Variants in RBFOX1 observed in about 807,000 individuals in gnomAD.
The protein encoded by RBFOX1 is RNA binding fox-1 homolog 1.
A neutral mutation model predicts 57.7 loss-of-function variants in RBFOX1; 8 were observed. The ratio of observed to expected loss-of-function variants is 0.14; its 90% CI spans 0.08 to 0.25. RBFOX1 has a LOEUF of 0.25. Ranked by LOEUF, RBFOX1 falls within the 10% of genes least tolerant of loss-of-function variation. The pLI is 1.00. For synonymous variants in RBFOX1, 326 were observed against 222.4 expected (o/e 1.47, Z -4.15); for missense variants, 611 against 548.5 (o/e 1.11, Z -1.14).
At chr16:5,792,575 G>A (rs1055830708) in intron 3 of RBFOX1, among the ~76,000 whole-genome samples, 19 of 152,236 alleles carry the variant, frequency 1.2e-4, no homozygotes, top group Non-Finnish European at 2.6e-4. Context: ...GGGTGCAGTG[G>A]CTCATGCCTG....
At chr16:6,966,715 G>C (rs925095837) in intron 3 of RBFOX1, among the ~76,000 whole-genome samples, 1 of 152,090 alleles carries the variant, frequency 6.6e-6, no homozygotes, top group African/African-American at 2.4e-5. Flanking sequence ...AATTACACCT[G>C]TGATGAGAAG....
Position 7,420,836 on chromosome 16 carries a change from T to G in RBFOX1, c.28-97311T>G, listed in dbSNP as rs1487998508. Among the ~76,000 whole-genome samples, 9 of 150,020 alleles carry G rather than the reference T, an allele frequency of 6.0e-5. No homozygotes were observed. In the East Asian group the frequency reaches 1.7e-3, roughly 29 times the overall value. ...CTGAGTACTTTAAAGAATTATTCTT[T>G]GTCCATGTATGTCAGCATGCACTTT... On this transcript the variant is annotated intron_variant, in intron 4 of 15. Coordinates refer to ENST00000550418, the MANE Select transcript of RBFOX1 (RefSeq NM_018723.4).
intron 2 of RBFOX1, among the ~76,000 whole-genome samples, chr16:6,643,897 A>G (rs550020232): frequency 2.2e-4 from 34 of 152,122 alleles, no homozygotes; most frequent in Admixed American, 5.2e-4. Flanking sequence ...AGGCCAAGGT[A>G]GGTGGATCAC....
intron 13 of RBFOX1, among the ~76,000 whole-genome samples, chr16:7,668,839 C>A (rs2070369422): frequency 6.6e-6 from 1 of 152,080 alleles, no homozygotes; most frequent in Non-Finnish European, 1.5e-5. Context: ...AGAGTTTATA[C>A]AAACAGAGTT....
chr16:6,864,568 A>G (rs1392951220), intron 3 of RBFOX1, among the ~76,000 whole-genome samples: 5 of 145,220 alleles, frequency 3.4e-5, no homozygotes, highest in Admixed American at 2.8e-4. Flanking sequence ...TTTTTTAATC[A>G]TGGCCTAATA....
intron 2 of RBFOX1, among the ~76,000 whole-genome samples, chr16:6,560,381 A>G (rs28367099): frequency 0.99 from 149,862 of 151,888 alleles, 73,921 homozygotes; most frequent in East Asian, 1. Flanking sequence ...TGAGGAGGAG[A>G]GGGCCAGTGT....
intron 4 of RBFOX1, among the ~76,000 whole-genome samples, chr16:7,372,107 C>T (rs1486290922): frequency 2.0e-5 from 3 of 152,060 alleles, no homozygotes; most frequent in Non-Finnish European, 2.9e-5. Flanking sequence ...TTGTTGGGTC[C>T]AAAAGTTGGT....
intron 4 of RBFOX1, among the ~76,000 whole-genome samples, chr16:7,312,572 A>G (rs1273216304): frequency 6.6e-6 from 1 of 151,958 alleles, no homozygotes; most frequent in East Asian, 1.9e-4. Flanking sequence ...TGGTTCCACT[A>G]CCCTGTTTGG....
chr16:5,756,300 A>T (rs2151632157), intron 3 of RBFOX1, among the ~76,000 whole-genome samples: 1 of 146,698 alleles, frequency 6.8e-6, no homozygotes, highest in East Asian at 2.2e-4. Flanking sequence ...GTGGGGTTGT[A>T]GTGTGGTGTG....
chr16:6,762,769 G>A (rs2076799579), intron 3 of RBFOX1, among the ~76,000 whole-genome samples: 1 of 137,466 alleles, frequency 7.3e-6, no homozygotes, highest in African/African-American at 2.5e-5. Flanking sequence ...CAAGGGGATA[G>A]GGGGTAGTCA....
Position 6,521,238 on chromosome 16 carries a change from T to C in RBFOX1, c.-63-133365T>C, listed in dbSNP as rs9938611. On this transcript the variant is annotated intron_variant, in intron 2 of 15. Coordinates refer to ENST00000550418, the MANE Select transcript of RBFOX1 (RefSeq NM_018723.4). ...CATTATGACAGGGAAGCCTAGGCTG[T>C]GCTACTGTTGCTCATTGGTCAAGGA... is the stretch of plus-strand genomic sequence containing the variant. Among the ~76,000 whole-genome samples, 652 of 152,280 alleles carry C rather than the reference T, an allele frequency of 4.3e-3. 4 individuals are homozygous for C. The highest frequency in any genetic ancestry group is 0.015 in the African/African-American group (627 of 41,558).
intron 2 of RBFOX1, among the ~76,000 whole-genome samples, chr16:6,628,876 A>G (rs1373388286): frequency 6.6e-6 from 1 of 151,824 alleles, no homozygotes; most frequent in African/African-American, 2.4e-5. Context: ...TGAAAATACA[A>G]AAAATTAGCC....
At chr16:5,255,607 T>A (rs1254351077) in intron 1 of RBFOX1, among the ~76,000 whole-genome samples, 3 of 151,168 alleles carry the variant, frequency 2.0e-5, no homozygotes, top group Non-Finnish European at 4.4e-5. Flanking sequence ...CACCCACTCA[T>A]CCATTTCTCC....
At chr16:6,279,576 G>C (rs965852406) in intron 1 of RBFOX1, among the ~76,000 whole-genome samples, 1 of 152,186 alleles carries the variant, frequency 6.6e-6, no homozygotes, top group Non-Finnish European at 1.5e-5. Flanking sequence ...ACTGAATACA[G>C]ATCTGATTAT....
intron 2 of RBFOX1, among the ~76,000 whole-genome samples, chr16:6,518,517 C>T (rs904740199): frequency 1.3e-5 from 2 of 152,066 alleles, no homozygotes; most frequent in African/African-American, 4.8e-5. Flanking sequence ...TTCTCTGGGT[C>T]ATGTAGATCT....
intron 3 of RBFOX1, among the ~76,000 whole-genome samples, chr16:5,663,985 C>T (rs746972972): frequency 6.6e-6 from 1 of 152,130 alleles, no homozygotes; most frequent in African/African-American, 2.4e-5. Context: ...GGCGAAATTC[C>T]TCAGTATGAA....
rs781131068 is a variant in RBFOX1 at position 7,597,379 on chromosome 16, T to C, written c.570T>C (p.Asn190=). The C allele has an allele frequency of 6.2e-7, 1 of 1,610,010 alleles. No individual in the cohort carries two copies. Among genetic ancestry groups the C allele is most frequent in the Non-Finnish European group, 8.5e-7 (1 of 1,177,826 alleles). ...GTTTTCTATGTACATAGGTAAATAATGCCACAGCACGTGTAATGACAAATA... is the reference window on the plus strand; with the variant it reads ...GTTTTCTATGTACATAGGTAAATAACGCCACAGCACGTGTAATGACAAATA... ...VVEGRKIEVN[N]ATARVMTNKK... Residue 190 remains asparagine (N), a synonymous_variant, in exon 9 of 16, where the codon AAT becomes AAC. Transcript: ENST00000550418.
At chr16:5,928,020 G>A (rs951372734) in intron 4 of RBFOX1, among the ~76,000 whole-genome samples, 1 of 152,178 alleles carries the variant, frequency 6.6e-6, no homozygotes, top group African/African-American at 2.4e-5. Flanking sequence ...GTGATCTGTG[G>A]CAGGGCATGG....
At chr16:6,622,163 A>G (rs2098242603) in intron 2 of RBFOX1, among the ~76,000 whole-genome samples, 1 of 152,186 alleles carries the variant, frequency 6.6e-6, no homozygotes, top group Non-Finnish European at 1.5e-5. Flanking sequence ...ATGATAGCAC[A>G]AAATATTGCT....
Sources: allele counts gnomAD v4.1 joint callset (sites outside exome capture counted in the v4.1 genomes callset), GRCh38; gene constraint gnomAD v4.1.1; transcripts MANE v1.5; gene names NCBI Gene and HGNC (gene_info 2026-07-23, HGNC 2026-07-21).